Variants in TMEM185A observed in about 807,000 individuals in gnomAD.
TMEM185A encodes the protein family with sequence similarity 11, member A.
TMEM185A carries 9 observed loss-of-function variants against 25.0 expected under a neutral mutation model. The ratio of observed to expected loss-of-function variants is 0.36; its 90% confidence interval spans 0.22 to 0.63. TMEM185A has a LOEUF of 0.63. TMEM185A is among the 20% of genes least tolerant of loss of function. The probability of loss-of-function intolerance (pLI) is 0.68; values close to 1 mark genes in which losing one functional copy is unlikely to be tolerated. For missense variants in TMEM185A, 103 were observed against 237.4 expected, an observed-to-expected ratio of 0.43 and a Z score of 3.72; for synonymous variants, 45 against 93.5, an observed-to-expected ratio of 0.48 and a Z score of 2.99.
chrX:149,609,128 C>A (rs1035984808), intron 2 of TMEM185A, among the ~76,000 whole-genome samples: 1 of 112,490 alleles, frequency 8.9e-6, no homozygotes, highest in Non-Finnish European at 1.9e-5. Flanking sequence ...ATTTCCCTGA[C>A]AATGTACATA....
intron 3 of TMEM185A, among the ~76,000 whole-genome samples, chrX:149,606,453 G>A (rs1557353497): frequency 8.9e-6 from 1 of 112,987 alleles, no homozygotes. Flanking sequence ...GGGCACTTCA[G>A]CACATGCTCT....
chrX:149,610,202 G>A (rs1349640930), intron 2 of TMEM185A, among the ~76,000 whole-genome samples: 2 of 109,919 alleles, frequency 1.8e-5, no homozygotes, highest in African/African-American at 3.3e-5. Flanking sequence ...AGGCCAAGGC[G>A]GGTGGATCAC....
rs2090081105 is a variant in TMEM185A, at chrX:149,611,123, G to T, written c.215+164C>A. Among the ~76,000 whole-genome samples the T allele has an allele frequency of 2.7e-5, 3 of 111,644 alleles. No individual in the cohort carries two copies. The South Asian group carries it at 1.1e-3, about 42-fold the overall frequency. On this transcript the variant is annotated intron_variant, in intron 2 of 6. Coordinates refer to ENST00000600449, the MANE Select transcript of TMEM185A (RefSeq NM_032508.4). ...CTTTTGTAAGAAAATACATACCAAAGACTAAATTTTCAAAAACACAGAAGA... is the reference window on the plus strand; with the variant it reads ...CTTTTGTAAGAAAATACATACCAAATACTAAATTTTCAAAAACACAGAAGA...
intron 1 of TMEM185A, among the ~76,000 whole-genome samples, chrX:149,625,627 A>T (rs782031085): frequency 8.6e-4 from 97 of 112,307 alleles, no homozygotes; most frequent in African/African-American, 2.5e-3. Flanking sequence ...GAAATGGCAA[A>T]CAGTCAGTCA....
chrX:149,619,518 A>G (rs1249783943), intron 1 of TMEM185A, among the ~76,000 whole-genome samples: 1 of 107,371 alleles, frequency 9.3e-6, no homozygotes, highest in Non-Finnish European at 1.9e-5. Flanking sequence ...TATTATTATT[A>G]TACTTTAAGA....
At chrX:149,603,552 A>G (rs1222624027) in intron 4 of TMEM185A, among the ~76,000 whole-genome samples, 6 of 112,332 alleles carry the variant, frequency 5.3e-5, no homozygotes, top group Non-Finnish European at 1.1e-4. Context: ...ACCAAAAAAC[A>G]AAAGGCAAAA....
chrX:149,630,241 T>C (rs1221094467), intron 1 of TMEM185A, among the ~76,000 whole-genome samples: 1 of 111,508 alleles, frequency 9.0e-6, no homozygotes, highest in Non-Finnish European at 1.9e-5. Flanking sequence ...TAAGAGCACA[T>C]ACAAAGTCAC....
chrX:149,606,934 A>C (rs2090055308), intron 3 of TMEM185A: 1 of 112,582 alleles, frequency 8.9e-6, no homozygotes. Context: ...GGATACCAAA[A>C]TCCATGGATG....
chrX:149,622,862 T>C (rs1422571229), intron 1 of TMEM185A, among the ~76,000 whole-genome samples: 2 of 111,763 alleles, frequency 1.8e-5, no homozygotes, highest in Non-Finnish European at 3.8e-5. Context: ...GAATAAGATG[T>C]TTTCCAATTT....
intron 3 of TMEM185A, among the ~76,000 whole-genome samples, chrX:149,606,168 C>T (rs781904412): frequency 7.1e-4 from 80 of 112,447 alleles, no homozygotes; most frequent in Non-Finnish European, 1.2e-3. Flanking sequence ...CCATTTCCCA[C>T]GCCTTGGAAT....
chrX:149,621,283 T>G (rs782389549), intron 1 of TMEM185A, among the ~76,000 whole-genome samples: 25 of 111,135 alleles, frequency 2.2e-4, no homozygotes, highest in African/African-American at 6.9e-4. Flanking sequence ...GTTTCCTTAT[T>G]TAATAAAAAA....
intron 1 of TMEM185A, among the ~76,000 whole-genome samples, chrX:149,611,969 AGCC>A (rs1557354556): frequency 8.9e-6 from 1 of 112,650 alleles, no homozygotes; most frequent in African/African-American, 3.2e-5. Flanking sequence ...CTAAAAAGGC[AGCC>A]ATCTGTCATA....
intron 1 of TMEM185A, 39 bp downstream of exon 1, chrX:149,631,504 C>A: frequency 8.7e-7 from 1 of 1,148,346 alleles, no homozygotes; most frequent in Middle Eastern, 2.4e-4. Flanking sequence ...CCCGAGCCCG[C>A]AGCGCGGACT....
At chrX:149,605,949 C>T (rs2090049157) in intron 3 of TMEM185A, among the ~76,000 whole-genome samples, 1 of 112,055 alleles carries the variant, frequency 8.9e-6, no homozygotes, top group Non-Finnish European at 1.9e-5. Flanking sequence ...AGTAATTCCT[C>T]CATAGACCTC....
chrX:149,627,161 G>A (rs2090167975), intron 1 of TMEM185A, among the ~76,000 whole-genome samples: 1 of 112,282 alleles, frequency 8.9e-6, no homozygotes, highest in Non-Finnish European at 1.9e-5. Flanking sequence ...CTCAGTGGGG[G>A]GAAACCTTGG....
At chrX:149,606,958 T>C (rs1161098569) in intron 3 of TMEM185A, 1 of 112,472 alleles carries the variant, frequency 8.9e-6, no homozygotes, top group Non-Finnish European at 1.9e-5. Flanking sequence ...AAGTCCCTGA[T>C]ATAAACTGGG....
intron 3 of TMEM185A, among the ~76,000 whole-genome samples, chrX:149,604,306 T>C (rs1284838109): frequency 9.8e-6 from 1 of 102,161 alleles, no homozygotes; most frequent in Non-Finnish European, 2.0e-5. Flanking sequence ...CTTTCTGGCC[T>C]GAGGCCTGAG....
chrX:149,604,118 A>C, intron 3 of TMEM185A, 48 bp from the exon 4 acceptor site: 2 of 897,513 alleles, frequency 2.2e-6, no homozygotes, highest in Non-Finnish European at 3.2e-6. Context: ...ATTTGCATTT[A>C]ATACTGCAGT....
intron 3 of TMEM185A, among the ~76,000 whole-genome samples, chrX:149,607,049 G>A (rs1557353619): frequency 9.0e-6 from 1 of 111,250 alleles, no homozygotes; most frequent in East Asian, 2.8e-4. Flanking sequence ...CCCATGCTGT[G>A]GCCTTTCCAC....
Sources: gnomAD v4.1 joint callset for allele counts (sites outside exome capture counted in the v4.1 genomes callset) on GRCh38, gnomAD v4.1.1 for gene constraint, MANE v1.5 for transcripts, NCBI Gene and HGNC (gene_info 2026-07-23, HGNC 2026-07-21) for gene names.